The following NRXN1 variants were observed in gnomAD, a reference collection of about 807,000 sequenced individuals.
NRXN1 encodes neurexin-1.
Under a neutral mutation model 150.9 loss-of-function variants are expected in NRXN1, and 39 were observed. The ratio of observed to expected loss-of-function variants is 0.26; its 90% CI spans 0.20 to 0.34. NRXN1 has a LOEUF of 0.34. Ranked by LOEUF, NRXN1 falls within the 10% of genes least tolerant of loss-of-function variation. The probability of loss-of-function intolerance (pLI) is 1.00; values close to 1 mark genes in which losing one functional copy is unlikely to be tolerated. For synonymous variants in NRXN1, 924 were observed against 757.0 expected (o/e 1.22, Z -3.62); for missense variants, 1,815 against 1,949.9 (o/e 0.93, Z 1.30).
chr2:50,727,625 G>A (rs1237389624), intron 5 of NRXN1, among the ~76,000 whole-genome samples: 2 of 151,986 alleles, frequency 1.3e-5, no homozygotes, highest in East Asian at 3.9e-4. Context: ...TTCAAGTACA[G>A]GGTACACATA....
chr2:49,948,610 G>A (rs1424494297), intron 21 of NRXN1, among the ~76,000 whole-genome samples: 1 of 151,858 alleles, frequency 6.6e-6, no homozygotes, highest in Non-Finnish European at 1.5e-5. Flanking sequence ...AAGTGTAGGG[G>A]AAGAAAATCA....
intron 15 of NRXN1, among the ~76,000 whole-genome samples, chr2:50,485,544 G>C (rs1318935210): frequency 6.6e-6 from 1 of 152,184 alleles, no homozygotes; most frequent in Non-Finnish European, 1.5e-5. Flanking sequence ...AAGAGGTCAA[G>C]ATGGAATGGA....
chr2:50,071,799 T>C (rs1417907054), intron 19 of NRXN1, among the ~76,000 whole-genome samples: 2 of 152,224 alleles, frequency 1.3e-5, no homozygotes, highest in African/African-American at 4.8e-5. Flanking sequence ...TTGCTGCCAG[T>C]TGCTAAAATA....
At chr2:50,836,840 T>TAAA (rs369557045) in intron 5 of NRXN1, among the ~76,000 whole-genome samples, 20 of 114,096 alleles carry the variant, frequency 1.8e-4, no homozygotes, top group Non-Finnish European at 2.8e-4. Flanking sequence ...ATCATAATTG[T>TAAA]AAAAAAAAAA....
chr2:51,009,502 C>T (rs1359266635), intron 2 of NRXN1, among the ~76,000 whole-genome samples: 3 of 151,836 alleles, frequency 2.0e-5, no homozygotes, highest in Non-Finnish European at 4.4e-5. Flanking sequence ...GCTTAGTCAT[C>T]CATTTGCAAT....
chr2:50,603,842 C>T (rs1010331400), intron 8 of NRXN1, among the ~76,000 whole-genome samples: 4 of 152,112 alleles, frequency 2.6e-5, no homozygotes, highest in Admixed American at 2.6e-4. Flanking sequence ...ACTGGTCAAC[C>T]TTGATCACTG....
intron 8 of NRXN1, among the ~76,000 whole-genome samples, chr2:50,597,944 G>A (rs760170435): frequency 1.3e-5 from 2 of 152,052 alleles, no homozygotes; most frequent in Non-Finnish European, 2.9e-5. Context: ...TTCAAGACTG[G>A]CCTGGCCAAT....
At chr2:50,281,637 A>T (rs2071480544) in intron 17 of NRXN1, among the ~76,000 whole-genome samples, 1 of 152,128 alleles carries the variant, frequency 6.6e-6, no homozygotes, top group African/African-American at 2.4e-5. Flanking sequence ...GGAAGTGAGG[A>T]GGTCCCCTTC....
intron 5 of NRXN1, among the ~76,000 whole-genome samples, chr2:50,763,086 C>T (rs1701991217): frequency 6.6e-6 from 1 of 151,906 alleles, no homozygotes; most frequent in Non-Finnish European, 1.5e-5. Context: ...TTTTAGGAGC[C>T]TCCCTTCATT....
intron 5 of NRXN1, among the ~76,000 whole-genome samples, chr2:50,730,316 T>C (rs1284022594): frequency 1.3e-5 from 2 of 152,176 alleles, no homozygotes; most frequent in East Asian, 3.9e-4. Flanking sequence ...ATGACATCAA[T>C]ATTGTCAGAT....
intron 8 of NRXN1, among the ~76,000 whole-genome samples, chr2:50,559,194 A>T (rs1237581677): frequency 6.6e-6 from 1 of 152,198 alleles, no homozygotes. Context: ...ATCTCCTTAT[A>T]TCAGTGCACT....
chr2:50,893,734 C>T (rs758076391), intron 5 of NRXN1, among the ~76,000 whole-genome samples: 1 of 152,062 alleles, frequency 6.6e-6, no homozygotes, highest in African/African-American at 2.4e-5. Context: ...AAAGTATTTT[C>T]GTTTATTAGT....
At chr2:50,502,799 A>G (rs552341721) in intron 13 of NRXN1, among the ~76,000 whole-genome samples, 2 of 151,472 alleles carry the variant, frequency 1.3e-5, no homozygotes, top group East Asian at 3.9e-4. Context: ...ATACATTTAC[A>G]TGTATGTTTG....
At chr2:50,672,004 T>G (rs1559104795) in intron 5 of NRXN1, among the ~76,000 whole-genome samples, 1 of 151,930 alleles carries the variant, frequency 6.6e-6, no homozygotes, top group South Asian at 2.1e-4. Context: ...TTTTAAATAT[T>G]CAACTTGGTA....
At chr2:50,977,597 TAC>T (rs2104845032) in intron 2 of NRXN1, among the ~76,000 whole-genome samples, 1 of 152,024 alleles carries the variant, frequency 6.6e-6, no homozygotes, top group South Asian at 2.1e-4. Flanking sequence ...ACAAAAATAT[TAC>T]ACAGTTTGAA....
intron 17 of NRXN1, among the ~76,000 whole-genome samples, chr2:50,266,623 T>C (rs926449246): frequency 6.6e-6 from 1 of 151,120 alleles, no homozygotes; most frequent in African/African-American, 2.4e-5. Flanking sequence ...AAAATGGTAA[T>C]AAGAGTGTGT....
intron 6 of NRXN1, among the ~76,000 whole-genome samples, chr2:50,622,294 T>A (rs1215467225): frequency 6.6e-6 from 1 of 152,110 alleles, no homozygotes; most frequent in Non-Finnish European, 1.5e-5. Context: ...AGTATAAACC[T>A]TTCAGAACAG....
intron 8 of NRXN1, among the ~76,000 whole-genome samples, chr2:50,598,346 C>T (rs923497586): frequency 2.0e-5 from 3 of 151,984 alleles, no homozygotes; most frequent in African/African-American, 4.8e-5. Flanking sequence ...AGTCTCTTAA[C>T]AGGATGCAGC....
intron 21 of NRXN1, among the ~76,000 whole-genome samples, chr2:49,956,929 T>C (rs1278794937): frequency 6.6e-6 from 1 of 152,148 alleles, no homozygotes; most frequent in Non-Finnish European, 1.5e-5. Context: ...CATATAATCA[T>C]GAATGGGTAG....
Sources: allele counts gnomAD v4.1 joint callset (sites outside exome capture counted in the v4.1 genomes callset), GRCh38; gene constraint gnomAD v4.1.1; transcripts MANE v1.5; gene names NCBI Gene and HGNC (gene_info 2026-07-23, HGNC 2026-07-21).